EDA: variants seen among roughly 807,000 people sequenced by gnomAD.
The protein encoded by EDA is ectodysplasin A, also known as ectodysplasin-A.
A neutral mutation model predicts 23.6 loss-of-function variants in EDA; 2 were observed. The observed-to-expected ratio is 0.08, with a 90% CI of 0.03 to 0.27. EDA has a LOEUF of 0.27. Among genes scored for constraint, EDA ranks in the 10% least tolerant of loss-of-function variants. The pLI, the probability that EDA is intolerant of heterozygous loss-of-function variation, is 1.00. For missense variants in EDA, 229 were observed against 324.2 expected (o/e 0.71, Z 2.26); for synonymous variants, 131 against 132.0 (o/e 0.99, Z 0.05).
At chrX:69,904,262 A>C (rs1450390899) in intron 1 of EDA, among the ~76,000 whole-genome samples, 1 of 112,110 alleles carries the variant, frequency 8.9e-6, no homozygotes, top group East Asian at 2.8e-4. Flanking sequence ...ATTATTGTTA[A>C]CTATAATTGA....
chrX:69,979,591 T>C (rs1011418284), intron 2 of EDA, among the ~76,000 whole-genome samples: 2 of 111,964 alleles, frequency 1.8e-5, no homozygotes, highest in African/African-American at 6.5e-5. Context: ...TCATAGTGGG[T>C]GTGAAGTGGT....
At chrX:69,760,980 G>A (rs1191175878) in intron 1 of EDA, among the ~76,000 whole-genome samples, 22 of 111,002 alleles carry the variant, frequency 2.0e-4, no homozygotes, top group Non-Finnish European at 1.5e-4. Context: ...TTGATTTAGG[G>A]GATGACATGC....
chrX:69,898,804 A>G (rs1417296853), intron 1 of EDA, among the ~76,000 whole-genome samples: 1 of 112,124 alleles, frequency 8.9e-6, no homozygotes, highest in Non-Finnish European at 1.9e-5. Context: ...AATTTCCTTC[A>G]CATAGTGACA....
At chrX:69,752,060 C>A (rs931000945) in intron 1 of EDA, among the ~76,000 whole-genome samples, 14 of 110,813 alleles carry the variant, frequency 1.3e-4, no homozygotes, top group African/African-American at 3.9e-4. Flanking sequence ...TAGTTGAATA[C>A]CCTTTATTTC....
At chrX:69,841,522 T>A (rs144094092) in intron 1 of EDA, among the ~76,000 whole-genome samples, 167 of 111,526 alleles carry the variant, frequency 1.5e-3, no homozygotes, top group African/African-American at 5.2e-3. Context: ...CTTTCTTTTT[T>A]CTTTTTTAAG....
intron 2 of EDA, among the ~76,000 whole-genome samples, chrX:69,977,329 C>T (rs1189785454): frequency 9.0e-6 from 1 of 111,532 alleles, no homozygotes; most frequent in Non-Finnish European, 1.9e-5. Flanking sequence ...CCCTTGACAC[C>T]ACAATTCTAA....
intron 1 of EDA, among the ~76,000 whole-genome samples, chrX:69,938,849 G>T (rs890951384): frequency 8.9e-6 from 1 of 112,220 alleles, no homozygotes; most frequent in Non-Finnish European, 1.9e-5. Flanking sequence ...ATTTACTGAA[G>T]AGACTGTCTT....
chrX:69,938,062 T>C (rs1171858142), intron 1 of EDA: 3 of 1,103,276 alleles, frequency 2.7e-6, no homozygotes, highest in Non-Finnish European at 2.5e-6. Context: ...CAAAATGTTA[T>C]ACTTGATTGA....
At chrX:69,735,502 A>G (rs1397848899) in intron 1 of EDA, among the ~76,000 whole-genome samples, 1 of 110,738 alleles carries the variant, frequency 9.0e-6, no homozygotes, top group Non-Finnish European at 1.9e-5. Flanking sequence ...TCTCTTTCCC[A>G]TTTTCTGTTT....
At chrX:69,691,460 T>C (rs1027994894) in intron 1 of EDA, among the ~76,000 whole-genome samples, 1 of 111,719 alleles carries the variant, frequency 9.0e-6, no homozygotes, top group Non-Finnish European at 1.9e-5. Flanking sequence ...TTTTTGTGCT[T>C]TTTCTTCTAC....
intron 1 of EDA, among the ~76,000 whole-genome samples, chrX:69,742,457 T>G (rs934675286): frequency 8.9e-6 from 1 of 112,175 alleles, no homozygotes; most frequent in African/African-American, 3.2e-5. Flanking sequence ...CAGACTGACA[T>G]TGCTGTTACC....
At chrX:69,939,090 G>C (rs1266221091) in intron 1 of EDA, among the ~76,000 whole-genome samples, 1 of 111,618 alleles carries the variant, frequency 9.0e-6, no homozygotes, top group Non-Finnish European at 1.9e-5. Context: ...GTCTTTTGTG[G>C]TTCCATATAC....
intron 1 of EDA, among the ~76,000 whole-genome samples, chrX:69,905,872 A>T (rs2018170174): frequency 9.0e-6 from 1 of 111,093 alleles, no homozygotes; most frequent in Middle Eastern, 4.6e-3. Context: ...CACTGCTATA[A>T]ATTTCCATAT....
chrX:69,708,980 G>C (rs1230971660), intron 1 of EDA, among the ~76,000 whole-genome samples: 1 of 111,228 alleles, frequency 9.0e-6, no homozygotes, highest in Non-Finnish European at 1.9e-5. Context: ...AATAGCATGT[G>C]CAAAGGTCCT....
intron 1 of EDA, among the ~76,000 whole-genome samples, chrX:69,708,941 A>C (rs2011853356): frequency 9.0e-6 from 1 of 111,334 alleles, no homozygotes. Flanking sequence ...CATGCAGATA[A>C]TTGGGAGAAG....
At chrX:69,803,808 T>G in intron 1 of EDA, among the ~76,000 whole-genome samples, 1 of 110,075 alleles carries the variant, frequency 9.1e-6, no homozygotes, top group Non-Finnish European at 1.9e-5. Flanking sequence ...TCCATATCCC[T>G]CCCTTCCCCC....
At chrX:69,880,562 C>A (rs1278200487) in intron 1 of EDA, among the ~76,000 whole-genome samples, 1 of 112,032 alleles carries the variant, frequency 8.9e-6, no homozygotes, top group Non-Finnish European at 1.9e-5. Context: ...ATCTGCCTTA[C>A]AACTGCCAGA....
chrX:69,664,679 T>C (rs934282008), intron 1 of EDA, among the ~76,000 whole-genome samples: 1 of 111,411 alleles, frequency 9.0e-6, no homozygotes, highest in Non-Finnish European at 1.9e-5. Flanking sequence ...TGTGTGTGTG[T>C]GTGTGTGTGT....
At position 70,035,504 on chromosome X, in the gene EDA, G is replaced by GCAGAAGAT; in HGVS notation, c.1073_1080dup (p.Ala361ArgfsTer16). ...CAGGCGTCTGCCTCCTCAAGGCCCG[G>GCAGAAGAT]CAGAAGATCGCCGTCAAGATGGTGC... On this transcript the variant is annotated frameshift_variant, in exon 8 of 8. Transcript: ENST00000374552. LOFTEE classifies it high-confidence loss of function. 1 of 1,209,897 alleles carries GCAGAAGAT rather than the reference G, an allele frequency of 8.3e-7. No homozygotes were observed. The highest frequency in any genetic ancestry group is 1.1e-6 in the Non-Finnish European group (1 of 895,153).
Sources: gnomAD v4.1 joint callset for allele counts (sites outside exome capture counted in the v4.1 genomes callset) on GRCh38, gnomAD v4.1.1 for gene constraint, MANE v1.5 for transcripts, NCBI Gene and HGNC (gene_info 2026-07-23, HGNC 2026-07-21) for gene names.